The following CFAP299 variants were observed in gnomAD, a reference collection of about 807,000 sequenced individuals.
CFAP299 encodes the protein cilia- and flagella-associated protein 299.
Under a neutral mutation model 27.0 loss-of-function variants are expected in CFAP299, and 21 were observed. The ratio of observed to expected loss-of-function variants is 0.78; its 90% CI spans 0.55 to 1.12. The LOEUF is 1.12. Ranked by LOEUF, CFAP299 falls within the 50% of genes most tolerant of loss-of-function variation. The probability of loss-of-function intolerance (pLI) is 0.00; values close to 1 mark genes in which losing one functional copy is unlikely to be tolerated. For missense variants in CFAP299, 310 were observed against 276.6 expected, an observed-to-expected ratio of 1.12 and a Z score of -0.86; for synonymous variants, 104 against 98.1, an observed-to-expected ratio of 1.06 and a Z score of -0.36.
rs527708136 is a variant in CFAP299, at chr4:80,817,281, A to T, written c.334-52712A>T. ...CTTCTCCCTCTGCCTCTATATATTAAGAATATATTACATAGTATATTATTA... is the reference window on the plus strand; with the variant it reads ...CTTCTCCCTCTGCCTCTATATATTATGAATATATTACATAGTATATTATTA... On this transcript the variant is annotated intron_variant, in intron 3 of 5. Coordinates refer to ENST00000358105, the MANE Select transcript of CFAP299 (RefSeq NM_152770.3). Among the ~76,000 whole-genome samples the T allele has an allele frequency of 4.6e-5, 7 of 152,198 alleles. No individual in the cohort carries two copies. In the South Asian group the frequency reaches 1.2e-3, roughly 27 times the overall value.
chr4:80,770,930 G>C (rs1726176794), intron 3 of CFAP299, among the ~76,000 whole-genome samples: 1 of 152,118 alleles, frequency 6.6e-6, no homozygotes, highest in African/African-American at 2.4e-5. Context: ...GCATTCCCAT[G>C]ATTTCTTAAG....
At chr4:80,703,750 A>G (rs1226106415) in intron 3 of CFAP299, among the ~76,000 whole-genome samples, 4 of 151,648 alleles carry the variant, frequency 2.6e-5, no homozygotes, top group Admixed American at 2.6e-4. Flanking sequence ...TTACCATCCA[A>G]CATAAATATT....
intron 3 of CFAP299, among the ~76,000 whole-genome samples, chr4:80,760,246 C>G (rs1033116864): frequency 6.6e-6 from 1 of 151,910 alleles, no homozygotes; most frequent in Non-Finnish European, 1.5e-5. Flanking sequence ...TTGTGTGAGA[C>G]AGGATTTGAT....
rs545107742 is a variant in CFAP299, at chr4:80,513,592, C to T, written c.243-69501C>T. Among the ~76,000 whole-genome samples the T allele has an allele frequency of 2.6e-5, 4 of 152,214 alleles. No homozygotes were observed. In the South Asian group the frequency reaches 6.2e-4, roughly 24 times the overall value. On this transcript the variant is annotated intron_variant, in intron 2 of 5. Coordinates refer to ENST00000358105, the MANE Select transcript of CFAP299 (RefSeq NM_152770.3). The stretch of plus-strand genomic sequence containing the variant: ...AAGCTATGCATTTGTTAGATAATTT[C>T]ATCCTCAAGTAAACTCTGGGCTTCC...
At chr4:80,657,171 A>G (rs1166646056) in intron 3 of CFAP299, among the ~76,000 whole-genome samples, 3 of 151,704 alleles carry the variant, frequency 2.0e-5, no homozygotes, top group Admixed American at 6.6e-5. Context: ...CTCCCATTCT[A>G]TAGGTTGCCT....
intron 3 of CFAP299, among the ~76,000 whole-genome samples, chr4:80,669,532 T>A (rs543600056): frequency 1.3e-5 from 2 of 152,134 alleles, no homozygotes; most frequent in African/African-American, 4.8e-5. Flanking sequence ...ATTTTGTGTC[T>A]TGCAAATTTA....
intron 1 of CFAP299, among the ~76,000 whole-genome samples, chr4:80,345,561 G>A (rs932387408): frequency 6.6e-6 from 1 of 151,838 alleles, no homozygotes; most frequent in African/African-American, 2.4e-5. Context: ...TGCTGAGAAT[G>A]ATGGTTTCCA....
intron 3 of CFAP299, among the ~76,000 whole-genome samples, chr4:80,838,385 A>C (rs943150845): frequency 6.6e-6 from 1 of 152,074 alleles, no homozygotes; most frequent in African/African-American, 2.4e-5. Context: ...CTAGGGTTTT[A>C]TGGTTTTAGG....
chr4:80,374,126 G>A (rs1165582292), intron 2 of CFAP299, among the ~76,000 whole-genome samples: 2 of 151,940 alleles, frequency 1.3e-5, no homozygotes, highest in Non-Finnish European at 2.9e-5. Context: ...TCATCTTCTG[G>A]GGTCCGTACC....
At chr4:80,532,446 G>C (rs1158814386) in intron 2 of CFAP299, among the ~76,000 whole-genome samples, 3 of 152,154 alleles carry the variant, frequency 2.0e-5, no homozygotes, top group Non-Finnish European at 4.4e-5. Context: ...TAACTGGAAA[G>C]CCACAAGTAT....
intron 5 of CFAP299, among the ~76,000 whole-genome samples, chr4:80,955,069 T>A (rs538499295): frequency 1.6e-4 from 24 of 147,570 alleles, no homozygotes; most frequent in Non-Finnish European, 3.4e-4. Context: ...AGTATAATTG[T>A]ATTTTAGGTT....
At chr4:80,714,347 G>C (rs1403531095) in intron 3 of CFAP299, among the ~76,000 whole-genome samples, 2 of 152,116 alleles carry the variant, frequency 1.3e-5, no homozygotes, top group Non-Finnish European at 2.9e-5. Context: ...AAATCATACA[G>C]TAAATAGTCC....
chr4:80,789,159 A>G (rs1207662538), intron 3 of CFAP299, among the ~76,000 whole-genome samples: 1 of 152,076 alleles, frequency 6.6e-6, no homozygotes, highest in African/African-American at 2.4e-5. Flanking sequence ...ATAGAGGTGA[A>G]TAGCTGTTAT....
chr4:80,771,590 T>G (rs957371477), intron 3 of CFAP299, among the ~76,000 whole-genome samples: 14 of 152,180 alleles, frequency 9.2e-5, no homozygotes, highest in Admixed American at 2.6e-4. Flanking sequence ...AGATAGGCTT[T>G]TCTGTCCCTT....
intron 2 of CFAP299, among the ~76,000 whole-genome samples, chr4:80,393,777 G>C (rs1725624517): frequency 6.6e-6 from 1 of 152,116 alleles, no homozygotes; most frequent in Non-Finnish European, 1.5e-5. Flanking sequence ...ATGTATTCCT[G>C]TTATTAAGTA....
At chr4:80,797,589 C>G (rs1315541391) in intron 3 of CFAP299, among the ~76,000 whole-genome samples, 1 of 152,140 alleles carries the variant, frequency 6.6e-6, no homozygotes, top group Non-Finnish European at 1.5e-5. Flanking sequence ...CCTGCCACCT[C>G]GAGATCCAAT....
At chr4:80,716,403 A>G (rs1226215642) in intron 3 of CFAP299, among the ~76,000 whole-genome samples, 6 of 150,354 alleles carry the variant, frequency 4.0e-5, no homozygotes, top group Non-Finnish European at 8.9e-5. Context: ...AATATATTCT[A>G]TAAGATATAT....
At chr4:80,365,335 C>T (rs764726325) in intron 2 of CFAP299, among the ~76,000 whole-genome samples, 2 of 152,174 alleles carry the variant, frequency 1.3e-5, no homozygotes, top group African/African-American at 4.8e-5. Flanking sequence ...TTGCCTTTCT[C>T]TAATGATCAG....
intron 3 of CFAP299, among the ~76,000 whole-genome samples, chr4:80,603,442 G>A (rs188814462): frequency 6.6e-5 from 10 of 151,994 alleles, no homozygotes; most frequent in East Asian, 3.9e-4. Flanking sequence ...ATGCACACAC[G>A]CACAAACATA....
Sources: gnomAD v4.1 joint callset for allele counts (sites outside exome capture counted in the v4.1 genomes callset) on GRCh38, gnomAD v4.1.1 for gene constraint, MANE v1.5 for transcripts, NCBI Gene and HGNC (gene_info 2026-07-23, HGNC 2026-07-21) for gene names.